Variants in FAM222B observed in about 807,000 individuals in gnomAD.
FAM222B encodes the protein family with sequence similarity 222 member B.
FAM222B carries 12 observed loss-of-function variants against 38.0 expected under a neutral mutation model. The ratio of observed to expected loss-of-function variants is 0.32; its 90% CI spans 0.20 to 0.51. FAM222B has a LOEUF of 0.51. FAM222B is among the 20% of genes least tolerant of loss of function. The pLI, the probability that FAM222B is intolerant of heterozygous loss-of-function variation, is 0.97. For synonymous variants in FAM222B, 329 were observed against 317.2 expected, an observed-to-expected ratio of 1.04 and a Z score of -0.40; for missense variants, 716 against 754.2, an observed-to-expected ratio of 0.95 and a Z score of 0.59.
intron 1 of FAM222B, among the ~76,000 whole-genome samples, chr17:28,798,975 GT>G (rs761063192): frequency 9.6e-5 from 14 of 145,412 alleles, no homozygotes; most frequent in Admixed American, 6.2e-4. Context: ...GAATCCTGTT[GT>G]TTTTTTTTTC....
chr17:28,818,010 A>C lies in FAM222B; in HGVS notation c.-41+24672T>G, dbSNP rs542580549. On this transcript the variant is annotated intron_variant, in intron 1 of 2. Transcript: ENST00000581407. ...TGAAAGTAGAAGCATTATCTGGTAA[A>C]GAAGATTTGCTAAAATAACTAGTTG... is the stretch of plus-strand genomic sequence containing the variant. 2.6e-4 allele frequency among the ~76,000 whole-genome samples: 40 copies of C among 152,316 alleles called. No homozygotes were observed. The South Asian group carries it at 4.3e-3, about 17-fold the overall frequency.
At chr17:28,853,077 C>T (rs575497773) in intron 1 of FAM222B, among the ~76,000 whole-genome samples, 1 of 151,704 alleles carries the variant, frequency 6.6e-6, no homozygotes, top group Non-Finnish European at 1.5e-5. Context: ...CCTGTGATCC[C>T]AGCTACTCGG....
chr17:28,831,504 C>CTTT (rs35692613), intron 1 of FAM222B, among the ~76,000 whole-genome samples: 36 of 110,836 alleles, frequency 3.2e-4, no homozygotes, highest in Admixed American at 7.0e-4. Context: ...TTGTCAAAGG[C>CTTT]TTTTTTTTTT....
intron 1 of FAM222B, among the ~76,000 whole-genome samples, chr17:28,775,661 A>T (rs1438451538): frequency 1.1e-4 from 16 of 151,678 alleles, no homozygotes. Context: ...TGCGTGGATC[A>T]CTTGAGGTCA....
chr17:28,801,387 G>A (rs1046905709), intron 1 of FAM222B, among the ~76,000 whole-genome samples: 2 of 150,198 alleles, frequency 1.3e-5, no homozygotes, highest in Non-Finnish European at 3.0e-5. Flanking sequence ...CCGGGGGGCG[G>A]AGGCTGCAGT....
intron 1 of FAM222B, among the ~76,000 whole-genome samples, chr17:28,782,570 G>T (rs1004038932): frequency 7.2e-5 from 11 of 152,078 alleles, no homozygotes; most frequent in African/African-American, 1.2e-4. Context: ...GATATCTAAA[G>T]ATAAACAAAA....
chr17:28,764,830 T>C (rs943838446), intron 2 of FAM222B, among the ~76,000 whole-genome samples: 7 of 152,150 alleles, frequency 4.6e-5, no homozygotes, highest in African/African-American at 1.7e-4. Flanking sequence ...CCAAATGGCT[T>C]TTCCCTTGAT....
At chr17:28,803,020 T>G (rs1202827865) in intron 1 of FAM222B, among the ~76,000 whole-genome samples, 3 of 152,044 alleles carry the variant, frequency 2.0e-5, no homozygotes, top group Admixed American at 6.6e-5. Context: ...TTTTTCTTTT[T>G]TTTTTTGAGA....
rs9906213 is a variant in FAM222B at position 28,770,571 on chromosome 17, A to T, written c.-40-3864T>A. Among the ~76,000 whole-genome samples, 353 of 92,030 alleles carry T rather than the reference A, an allele frequency of 3.8e-3. 4 individuals are homozygous for T. The highest frequency in any genetic ancestry group is 8.6e-3 in the South Asian group (19 of 2,202). The allele number at this position is 92,030 out of a possible 152,430, so 60.4% of individuals were successfully genotyped here. A position where few individuals can be genotyped will look rare whatever the true frequency, so the allele number is the denominator to read the frequency against. On this transcript the variant is annotated intron_variant, in intron 1 of 2. Transcript: ENST00000581407. ...GTATGCACCACCATGCCCAGCTAATATTTTTTTTTTTTTTTTTGAGACAGA... is the reference window on the plus strand; with the variant it reads ...GTATGCACCACCATGCCCAGCTAATTTTTTTTTTTTTTTTTTTGAGACAGA...
intron 1 of FAM222B, among the ~76,000 whole-genome samples, chr17:28,788,836 G>A (rs534884572): frequency 6.6e-6 from 1 of 151,946 alleles, no homozygotes; most frequent in East Asian, 1.9e-4. Context: ...CTGCCTCCCA[G>A]GTTCAAACAA....
intron 1 of FAM222B, among the ~76,000 whole-genome samples, chr17:28,781,052 A>G (rs892748941): frequency 6.6e-6 from 1 of 152,176 alleles, no homozygotes; most frequent in African/African-American, 2.4e-5. Flanking sequence ...AACTCAAAAG[A>G]CACTGCTCCA....
intron 1 of FAM222B, among the ~76,000 whole-genome samples, chr17:28,786,220 C>G (rs1264693351): frequency 6.6e-6 from 1 of 152,132 alleles, no homozygotes; most frequent in East Asian, 1.9e-4. Flanking sequence ...CAACACTTTG[C>G]AATGTAACTC....
intron 1 of FAM222B, among the ~76,000 whole-genome samples, chr17:28,825,137 A>C (rs1312675015): frequency 6.6e-6 from 1 of 151,924 alleles, no homozygotes; most frequent in Non-Finnish European, 1.5e-5. Flanking sequence ...CTCGTACTTA[A>C]AAACTCCAAA....
intron 1 of FAM222B, among the ~76,000 whole-genome samples, chr17:28,813,096 TGGA>T (rs2037871706): frequency 2.0e-5 from 1 of 51,068 alleles, no homozygotes; most frequent in South Asian, 7.9e-4. Context: ...GTTGGTGGGG[TGGA>T]GAAGGGAATA....
chr17:28,805,129 G>A (rs756747825), intron 1 of FAM222B, among the ~76,000 whole-genome samples: 1 of 152,102 alleles, frequency 6.6e-6, no homozygotes, highest in Non-Finnish European at 1.5e-5. Context: ...AGGCCAAGGT[G>A]GGAGGATCAT....
intron 1 of FAM222B, among the ~76,000 whole-genome samples, chr17:28,848,615 C>T (rs779825898): frequency 5.9e-5 from 9 of 151,644 alleles, no homozygotes; most frequent in Admixed American, 1.3e-4. Context: ...AAAAATTAGC[C>T]GGTGTGGTGG....
chr17:28,825,964 G>T (rs2038425632), intron 1 of FAM222B, among the ~76,000 whole-genome samples: 1 of 151,934 alleles, frequency 6.6e-6, no homozygotes, highest in Non-Finnish European at 1.5e-5. Context: ...AGTAGAGATG[G>T]GGTTTTGTCA....
chr17:28,805,708 A>C (rs2037463596), intron 1 of FAM222B, among the ~76,000 whole-genome samples: 1 of 152,158 alleles, frequency 6.6e-6, no homozygotes, highest in Non-Finnish European at 1.5e-5. Context: ...CTCAAAACAA[A>C]ACTAAGTGTA....
chr17:28,769,857 G>A (rs560513708), intron 1 of FAM222B, among the ~76,000 whole-genome samples: 14 of 152,182 alleles, frequency 9.2e-5, no homozygotes, highest in South Asian at 8.3e-4. Flanking sequence ...CATTCCCTCT[G>A]CCTGGAATGT....
Sources: gnomAD v4.1 joint callset for allele counts (sites outside exome capture counted in the v4.1 genomes callset) on GRCh38, gnomAD v4.1.1 for gene constraint, MANE v1.5 for transcripts, NCBI Gene and HGNC (gene_info 2026-07-23, HGNC 2026-07-21) for gene names.